Variants in DAPK1 observed in about 807,000 individuals in gnomAD.
DAPK1 encodes death-associated protein kinase 1.
DAPK1 carries 56 observed loss-of-function variants against 144.9 expected under a neutral mutation model. The ratio of observed to expected loss-of-function variants is 0.39; its 90% CI spans 0.31 to 0.48. The LOEUF (loss-of-function observed/expected upper bound fraction) is 0.48, where lower values mean the gene tolerates loss of function less well. Ranked by LOEUF, DAPK1 falls within the 20% of genes least tolerant of loss-of-function variation. The probability of loss-of-function intolerance (pLI) is 0.95; values close to 1 mark genes in which losing one functional copy is unlikely to be tolerated. For synonymous variants in DAPK1, 690 were observed against 749.0 expected (o/e 0.92, Z 1.29); for missense variants, 1,454 against 1,875.4 (o/e 0.78, Z 4.15).
At chr9:87,516,970 T>C (rs1310256192) in intron 2 of DAPK1, among the ~76,000 whole-genome samples, 1 of 152,106 alleles carries the variant, frequency 6.6e-6, no homozygotes, top group African/African-American at 2.4e-5. Context: ...AGGGCTGCAC[T>C]GGAGTCATAG....
chr9:87,667,587 G>A (rs766501951), intron 18 of DAPK1, among the ~76,000 whole-genome samples: 1 of 152,206 alleles, frequency 6.6e-6, no homozygotes, highest in Non-Finnish European at 1.5e-5. Flanking sequence ...GACTCTGGGA[G>A]TGACTTGGGT....
At chr9:87,621,433 A>G (rs1415100088) in intron 3 of DAPK1, among the ~76,000 whole-genome samples, 1 of 152,052 alleles carries the variant, frequency 6.6e-6, no homozygotes, top group Admixed American at 6.5e-5. Context: ...CCTAGTCCAG[A>G]TTTCCTCCAT....
At chr9:87,569,568 C>G (rs1330023311) in intron 2 of DAPK1, among the ~76,000 whole-genome samples, 1 of 152,142 alleles carries the variant, frequency 6.6e-6, no homozygotes, top group Non-Finnish European at 1.5e-5. Flanking sequence ...AGTTTAGGCT[C>G]AAAACGTGTG....
At chr9:87,613,048 A>G (rs556873149) in intron 3 of DAPK1, among the ~76,000 whole-genome samples, 1 of 152,374 alleles carries the variant, frequency 6.6e-6, no homozygotes, top group South Asian at 2.1e-4. Flanking sequence ...TTCGAAGCAC[A>G]TCTTTAAAAC....
At chr9:87,513,098 A>G (rs1437898756) in intron 2 of DAPK1, among the ~76,000 whole-genome samples, 2 of 152,260 alleles carry the variant, frequency 1.3e-5, no homozygotes, top group Non-Finnish European at 2.9e-5. Flanking sequence ...GTAAAACATC[A>G]AGAGAACTAA....
Position 87,612,778 on chromosome 9 carries a change from A to G in DAPK1, c.284+7603A>G, listed in dbSNP as rs563439906. 2.6e-5 allele frequency among the ~76,000 whole-genome samples: 4 copies of G among 152,336 alleles called. No individual in the cohort carries two copies. In the South Asian group the frequency reaches 8.3e-4, roughly 32 times the overall value. On this transcript the variant is annotated intron_variant, in intron 3 of 25. Transcript: ENST00000408954. ...CACTCCCTGCAGATAGCCTGAGCAG[A>G]GAAGGATTGGAGCGGGGGTGGGGGT...
rs945738657 is a variant in DAPK1 at position 87,581,591 on chromosome 9, C to T, written c.63-23363C>T. 5.3e-5 allele frequency among the ~76,000 whole-genome samples: 8 copies of T among 152,256 alleles called. No homozygotes were observed. The South Asian group carries it at 1.5e-3, about 28-fold the overall frequency. ...CAGCTGTTTGTGTGTAGTTGTAGCT[C>T]GTTTGGGTTGTAAATTGGAATCTGA... On this transcript the variant is annotated intron_variant, in intron 2 of 25. Coordinates refer to ENST00000408954, the MANE Select transcript of DAPK1 (RefSeq NM_004938.4).
intron 2 of DAPK1, chr9:87,553,490 TC>T (rs1240415414): frequency 1.8e-5 from 2 of 113,864 alleles, no homozygotes; most frequent in African/African-American, 8.1e-5. Flanking sequence ...CTTTTTCTTT[TC>T]TTTTCTTTTT....
intron 2 of DAPK1, among the ~76,000 whole-genome samples, chr9:87,558,569 C>T (rs192774373): frequency 7.2e-5 from 11 of 152,270 alleles, no homozygotes; most frequent in Admixed American, 6.5e-4. Context: ...CATTGCACAC[C>T]AACGTCCCTT....
At chr9:87,624,167 G>T (rs1387627671) in intron 3 of DAPK1, among the ~76,000 whole-genome samples, 4 of 152,300 alleles carry the variant, frequency 2.6e-5, no homozygotes, top group Non-Finnish European at 5.9e-5. Context: ...GCCACAGCTG[G>T]AGCAGATGCC....
intron 2 of DAPK1, among the ~76,000 whole-genome samples, chr9:87,550,587 G>C (rs552210065): frequency 1.3e-5 from 2 of 152,298 alleles, no homozygotes; most frequent in African/African-American, 4.8e-5. Flanking sequence ...TATTGAATTG[G>C]GAGTGCAACC....
At chr9:87,661,051 G>T (rs995441034) in intron 18 of DAPK1, among the ~76,000 whole-genome samples, 2 of 152,140 alleles carry the variant, frequency 1.3e-5, no homozygotes, top group Non-Finnish European at 2.9e-5. Flanking sequence ...TGTTGGCCAG[G>T]ATGGTCTGGA....
chr9:87,640,499 C>G (rs1250147962), intron 8 of DAPK1, 49 bp downstream of exon 8: 1 of 1,589,578 alleles, frequency 6.3e-7, no homozygotes. Flanking sequence ...CTCAGCCAGC[C>G]CAGAGCCTGT....
chr9:87,537,355 C>T (rs897521547), intron 2 of DAPK1, among the ~76,000 whole-genome samples: 33 of 152,214 alleles, frequency 2.2e-4, no homozygotes, highest in African/African-American at 7.7e-4. Flanking sequence ...ATAGTGTGTA[C>T]GCAGTCAGCC....
Position 87,706,460 on chromosome 9 carries a change from G to T in DAPK1, c.3389G>T (p.Arg1130Leu). The T allele has an allele frequency of 1.2e-6, 2 of 1,613,020 alleles. No homozygotes were observed. Among genetic ancestry groups the T allele is most frequent in the Non-Finnish European group, 8.5e-7 (1 of 1,179,192 alleles). Residue 1130 changes from arginine (R) to leucine (L), a missense_variant, in exon 26 of 26, where the codon CGC (arginine) becomes CTC (leucine). By Grantham distance (102) the Arg-to-Leu change is moderately radical. Around this residue, in one of 2 missense-constraint regions of DAPK1, gnomAD observed 1,025 missense variants for 1,237.9 expected, o/e 0.83. Coordinates refer to ENST00000408954, the MANE Select transcript of DAPK1 (RefSeq NM_004938.4). The surrounding 1 kb of genome is among the most constrained non-coding windows in gnomAD (Gnocchi z 9.0). ...EDEVMVYGGV[R>L]IVPVEHLTPF... ...GAGGTGATGGTGTATGGTGGCGTGC[G>T]CATCGTGCCCGTGGAACACCTCACC...
At chr9:87,659,646 A>G (rs1830760750) in intron 18 of DAPK1, among the ~76,000 whole-genome samples, 1 of 151,986 alleles carries the variant, frequency 6.6e-6, no homozygotes, top group Non-Finnish European at 1.5e-5. Context: ...CGACATCTGT[A>G]TCAGTGGTCC....
chr9:87,527,643 G>A (rs1439011800), intron 2 of DAPK1, among the ~76,000 whole-genome samples: 1 of 152,222 alleles, frequency 6.6e-6, no homozygotes. Flanking sequence ...TTAAATAGGT[G>A]TGTGTGCAAA....
chr9:87,606,413 G>C (rs1828714622), intron 3 of DAPK1, among the ~76,000 whole-genome samples: 1 of 152,094 alleles, frequency 6.6e-6, no homozygotes, highest in Non-Finnish European at 1.5e-5. Flanking sequence ...ACCTAACACT[G>C]TGCTGGTTGG....
At chr9:87,512,003 C>T (rs1047372799) in intron 2 of DAPK1, among the ~76,000 whole-genome samples, 1 of 152,042 alleles carries the variant, frequency 6.6e-6, no homozygotes, top group Non-Finnish European at 1.5e-5. Flanking sequence ...TGAGCCACCA[C>T]GCCCGGCCTG....
Sources: allele counts gnomAD v4.1 joint callset (sites outside exome capture counted in the v4.1 genomes callset), GRCh38; gene constraint gnomAD v4.1.1; regional missense constraint gnomAD v4.1.1; non-coding constraint Gnocchi (gnomAD v3.1); transcripts MANE v1.5; gene names NCBI Gene and HGNC (gene_info 2026-07-23, HGNC 2026-07-21).